The following FHIP1A variants were observed in gnomAD, a reference collection of about 807,000 sequenced individuals.
The protein encoded by FHIP1A is FHF complex subunit HOOK interacting protein 1A, also known as FHF complex subunit HOOK-interacting protein 1A.
FHIP1A carries 61 observed loss-of-function variants against 88.6 expected under a neutral mutation model. That is an observed-to-expected ratio of 0.69 (90% confidence interval 0.56 to 0.85). FHIP1A has a LOEUF of 0.85. Ranked by LOEUF, FHIP1A falls within the 40% of genes least tolerant of loss-of-function variation. The pLI is 0.00. For missense variants in FHIP1A, 1,154 were observed against 1,273.5 expected, an observed-to-expected ratio of 0.91 and a Z score of 1.43; for synonymous variants, 478 against 496.0, an observed-to-expected ratio of 0.96 and a Z score of 0.48.
intron 3 of FHIP1A, among the ~76,000 whole-genome samples, chr4:151,546,988 C>A (rs927642559): frequency 3.3e-5 from 5 of 152,162 alleles, no homozygotes; most frequent in Admixed American, 6.5e-5. Flanking sequence ...CCACCCCCTG[C>A]CTTGCTACTT....
chr4:151,447,522 C>G (rs570947621), intron 1 of FHIP1A, among the ~76,000 whole-genome samples: 2 of 152,056 alleles, frequency 1.3e-5, no homozygotes, highest in Non-Finnish European at 2.9e-5. Flanking sequence ...TAGAACCTTC[C>G]CATATGTTGA....
intron 7 of FHIP1A, among the ~76,000 whole-genome samples, chr4:151,604,803 C>T (rs1219043895): frequency 3.3e-5 from 5 of 151,022 alleles, no homozygotes; most frequent in African/African-American, 4.9e-5. Context: ...GAGCTGAGAT[C>T]GCGCCACTGT....
chr4:151,630,174 G>A (rs943133737), intron 8 of FHIP1A, among the ~76,000 whole-genome samples: 5 of 152,114 alleles, frequency 3.3e-5, no homozygotes, highest in African/African-American at 1.2e-4. Flanking sequence ...CACTTCTGTG[G>A]GGGCAAGATG....
At chr4:151,562,937 T>C (rs948418908) in intron 3 of FHIP1A, among the ~76,000 whole-genome samples, 9 of 152,146 alleles carry the variant, frequency 5.9e-5, no homozygotes, top group African/African-American at 2.2e-4. Context: ...TTATATGATA[T>C]ATTTTATAAT....
At chr4:151,524,891 G>A (rs1056379848) in intron 3 of FHIP1A, among the ~76,000 whole-genome samples, 6 of 152,144 alleles carry the variant, frequency 3.9e-5, no homozygotes, top group African/African-American at 1.4e-4. Flanking sequence ...GAGGCTCTTT[G>A]GTTTTGAACT....
chr4:151,603,452 C>T (rs1198986745), intron 7 of FHIP1A, among the ~76,000 whole-genome samples: 2 of 152,122 alleles, frequency 1.3e-5, no homozygotes, highest in Non-Finnish European at 2.9e-5. Flanking sequence ...GGTCTGTCTG[C>T]TCTGCTGACT....
chr4:151,601,349 G>A (rs116810269), intron 7 of FHIP1A, among the ~76,000 whole-genome samples: 317 of 152,044 alleles, frequency 2.1e-3, no homozygotes, highest in Middle Eastern at 0.01. Flanking sequence ...GCCGTTGGAA[G>A]CCATCAGCAT....
chr4:151,531,599 G>A (rs1731881197), intron 3 of FHIP1A, among the ~76,000 whole-genome samples: 1 of 151,928 alleles, frequency 6.6e-6, no homozygotes, highest in Non-Finnish European at 1.5e-5. Flanking sequence ...TGTTAAAGGT[G>A]ATTAATAATG....
chr4:151,556,742 G>T lies in FHIP1A; in HGVS notation c.-122-9396G>T, dbSNP rs183353680. On this transcript the variant is annotated intron_variant, in intron 3 of 13. Coordinates refer to ENST00000435205, the MANE Select transcript of FHIP1A (RefSeq NM_001109977.3). Reference sequence around the variant, plus strand: ...GAGAGGGAAGACAATCATTTACAAGGTTAAGATAATTTTGAGTTTATTCTT... The same window carrying T: ...GAGAGGGAAGACAATCATTTACAAGTTTAAGATAATTTTGAGTTTATTCTT... Among the ~76,000 whole-genome samples, 18 of 152,222 alleles carry T rather than the reference G, an allele frequency of 1.2e-4. No homozygotes were observed. In the East Asian group the frequency reaches 3.5e-3, roughly 29 times the overall value.
rs1350402005 is a variant in FHIP1A at position 151,667,990 on chromosome 4, AT to A, written c.*5237del. On this transcript the variant is annotated 3_prime_UTR_variant, in exon 14 of 14. Transcript: ENST00000435205. ...GCTGACTTTTTACTGGGACAAGTCT[AT>A]GAAAGGCCCACCTGTAACAAGGCCC... Among the ~76,000 whole-genome samples the A allele has an allele frequency of 1.3e-5, 2 of 152,198 alleles. No individual in the cohort carries two copies. Among genetic ancestry groups the A allele is most frequent in the African/African-American group, 4.8e-5 (2 of 41,450 alleles).
chr4:151,491,348 A>C (rs745459813), intron 3 of FHIP1A, among the ~76,000 whole-genome samples: 2 of 152,208 alleles, frequency 1.3e-5, no homozygotes, highest in Non-Finnish European at 2.9e-5. Context: ...TAGCTTCCTT[A>C]AACAGAATAA....
chr4:151,409,718 C>T (rs896794363), intron 1 of FHIP1A, among the ~76,000 whole-genome samples: 2 of 151,934 alleles, frequency 1.3e-5, no homozygotes, highest in Non-Finnish European at 2.9e-5. Flanking sequence ...CGGGGCGTAA[C>T]GCGGTGACTG....
chr4:151,618,220 G>T (rs534934364), intron 7 of FHIP1A, among the ~76,000 whole-genome samples: 1 of 152,348 alleles, frequency 6.6e-6, no homozygotes. Flanking sequence ...AGAATAGAGT[G>T]ATGTGTTGGT....
At position 151,662,771 on chromosome 4, in the gene FHIP1A, T is replaced by TC; in HGVS notation, c.*17_*18insC. ...TGCTGTTAGCTTTTTTTTTTTTTTTTAATAGAGGTTCTTGTTTTGTAAGGT... is the reference window on the plus strand; with the variant it reads ...TGCTGTTAGCTTTTTTTTTTTTTTTTCAATAGAGGTTCTTGTTTTGTAAGGT... On this transcript the variant is annotated 3_prime_UTR_variant, in exon 14 of 14. Transcript: ENST00000435205. The TC allele has an allele frequency of 6.9e-7, 1 of 1,456,610 alleles. No homozygotes were observed. The highest frequency in any genetic ancestry group is 9.1e-7 in the Non-Finnish European group (1 of 1,101,952). The allele number at this position is 1,456,610 out of a possible 1,614,324, so 90.2% of individuals were successfully genotyped here.
At chr4:151,638,315 T>TTGTTTGTGTGTGTG (rs1736435779) in intron 8 of FHIP1A, among the ~76,000 whole-genome samples, 1 of 143,732 alleles carries the variant, frequency 7.0e-6, no homozygotes, top group Non-Finnish European at 1.5e-5. Context: ...AAATAGGAGA[T>TTGTTTGTGTGTGTG]TGTGTGTGTG....
In FHIP1A at chr4:151,650,413, AGAGTAAAG is replaced by A. The variant is rs1389269028; in HGVS notation, c.2376_2383del (p.Ser792ArgfsTer13). 1 of 1,551,708 alleles carries A rather than the reference AGAGTAAAG, an allele frequency of 6.4e-7. No homozygotes were observed. The highest frequency in any genetic ancestry group is 8.7e-7 in the Non-Finnish European group (1 of 1,146,942). On this transcript the variant is annotated frameshift_variant, in exon 11 of 14. Transcript: ENST00000435205. LOFTEE classifies it high-confidence loss of function. The stretch of plus-strand genomic sequence containing the variant: ...ACTAAGGAGGAAGAAGGGAAGGAAG[AGAGTAAAG>A]GAGAAAAGGAGAAGGAGGGGAAGAA...
At position 151,665,633 on chromosome 4, in the gene FHIP1A, T is replaced by G. The variant is rs539459062; in HGVS notation, c.*2879T>G. On this transcript the variant is annotated 3_prime_UTR_variant, in exon 14 of 14. Coordinates refer to ENST00000435205, the MANE Select transcript of FHIP1A (RefSeq NM_001109977.3). The stretch of plus-strand genomic sequence containing the variant: ...GGGAGAAGAGCAAATCCTGCACGAT[T>G]CGGGGGAGTGAACATTGATCTAGGC... Among the ~76,000 whole-genome samples the G allele has an allele frequency of 5.9e-5, 9 of 152,238 alleles. No individual in the cohort carries two copies. The highest frequency in any genetic ancestry group is 1.9e-4 in the African/African-American group (8 of 41,526).
chr4:151,470,490 G>A (rs1580604117), intron 2 of FHIP1A, among the ~76,000 whole-genome samples: 1 of 152,064 alleles, frequency 6.6e-6, no homozygotes. Flanking sequence ...CCCTGCTATC[G>A]GGTCAGTAAA....
chr4:151,474,425 T>G (rs1729630176), intron 2 of FHIP1A, among the ~76,000 whole-genome samples: 1 of 152,212 alleles, frequency 6.6e-6, no homozygotes, highest in Non-Finnish European at 1.5e-5. Context: ...AAAATAAAGA[T>G]ACTGTACTGT....
Sources: allele counts gnomAD v4.1 joint callset (sites outside exome capture counted in the v4.1 genomes callset), GRCh38; gene constraint gnomAD v4.1.1; transcripts MANE v1.5; gene names NCBI Gene and HGNC (gene_info 2026-07-23, HGNC 2026-07-21).